NTM: variants seen among roughly 807,000 people sequenced by gnomAD.
The protein encoded by NTM is IgLON family member 2.
NTM carries 13 observed loss-of-function variants against 42.1 expected under a neutral mutation model. The ratio of observed to expected loss-of-function variants is 0.31; its 90% CI spans 0.20 to 0.49. The LOEUF is 0.49. NTM is among the 20% of genes least tolerant of loss of function. The pLI is 0.99. For synonymous variants in NTM, 187 were observed against 179.2 expected (o/e 1.04, Z -0.35); for missense variants, 373 against 452.8 (o/e 0.82, Z 1.60).
At position 131,927,004 on chromosome 11, in the gene NTM, ATGTG is replaced by A. The variant is rs1410157135; in HGVS notation, c.167+15362_167+15365del. The stretch of plus-strand genomic sequence containing the variant: ...GCTGGCATTTTACGATCATGTATGG[ATGTG>A]TGTGTAAGTATAAGTAGGCACGTAT... On this transcript the variant is annotated intron_variant, in intron 2 of 8. Coordinates refer to ENST00000683400, the MANE Select transcript of NTM (RefSeq NM_001352005.2). Among the ~76,000 whole-genome samples the A allele has an allele frequency of 2.6e-5, 4 of 152,144 alleles. No homozygotes were observed. The East Asian group carries it at 7.7e-4, about 29-fold the overall frequency.
chr11:132,103,305 A>G (rs1041730242), intron 2 of NTM, among the ~76,000 whole-genome samples: 2 of 152,184 alleles, frequency 1.3e-5, no homozygotes, highest in African/African-American at 4.8e-5. Flanking sequence ...AATAAAATGT[A>G]CAGAAGGAAT....
intron 1 of NTM, chr11:131,537,975 A>G (rs1443560741): frequency 9.2e-5 from 14 of 152,316 alleles, no homozygotes; most frequent in Non-Finnish European, 1.9e-4. Context: ...GCCGGGAGGA[A>G]TTCATGCAGC....
chr11:131,460,111 C>T (rs1951241800), intron 1 of NTM, among the ~76,000 whole-genome samples: 2 of 152,096 alleles, frequency 1.3e-5, no homozygotes, highest in South Asian at 4.2e-4. Flanking sequence ...CCAACAGTGT[C>T]CAGAACAAAC....
chr11:131,815,512 C>G lies in NTM; in HGVS notation c.83-96052C>G, dbSNP rs552970603. 2.0e-5 allele frequency among the ~76,000 whole-genome samples: 3 copies of G among 152,278 alleles called. No homozygotes were observed. The South Asian group carries it at 6.2e-4, about 32-fold the overall frequency. On this transcript the variant is annotated intron_variant, in intron 1 of 8. Transcript: ENST00000683400. ...ACACTCAGTATGGACTGGTAGAGCT[C>G]TTAAAGAATTTTCTTGAAGAATCCT...
At chr11:132,324,626 C>A (rs1436916361) in intron 7 of NTM, among the ~76,000 whole-genome samples, 1 of 138,824 alleles carries the variant, frequency 7.2e-6, no homozygotes, top group Non-Finnish European at 1.6e-5. Context: ...CAATGCCATC[C>A]CCATCAAGCT....
chr11:132,023,808 GTTTTGT>G (rs2074759150), intron 2 of NTM, among the ~76,000 whole-genome samples: 1 of 121,296 alleles, frequency 8.2e-6, no homozygotes, highest in Non-Finnish European at 1.7e-5. Context: ...GGTGGTGGTG[GTTTTGT>G]TGTTGTTGTT....
At chr11:131,532,989 C>T (rs928766204) in intron 1 of NTM, among the ~76,000 whole-genome samples, 1 of 152,088 alleles carries the variant, frequency 6.6e-6, no homozygotes, top group African/African-American at 2.4e-5. Flanking sequence ...AACAAAATGT[C>T]ACCACTAAAG....
intron 2 of NTM, among the ~76,000 whole-genome samples, chr11:131,933,056 G>A (rs1234697542): frequency 6.6e-6 from 1 of 152,198 alleles, no homozygotes; most frequent in Non-Finnish European, 1.5e-5. Context: ...TTCCTCCACA[G>A]CGCCAACTGT....
chr11:131,692,084 C>CG (rs1178730978), intron 1 of NTM, among the ~76,000 whole-genome samples: 1 of 152,134 alleles, frequency 6.6e-6, no homozygotes, highest in Admixed American at 6.6e-5. Flanking sequence ...AGGAAACGGG[C>CG]AGGGAGTCAC....
chr11:132,145,561 T>G (rs1486678981), intron 2 of NTM, among the ~76,000 whole-genome samples: 1 of 152,210 alleles, frequency 6.6e-6, no homozygotes, highest in Non-Finnish European at 1.5e-5. Context: ...GGACTCCAGA[T>G]GCAAAAATAA....
At chr11:131,856,930 A>G (rs546811226) in intron 1 of NTM, among the ~76,000 whole-genome samples, 1 of 152,340 alleles carries the variant, frequency 6.6e-6, no homozygotes, top group East Asian at 1.9e-4. Context: ...GCTGGCAGCC[A>G]GGTATACATT....
At chr11:131,893,915 C>A (rs886107057) in intron 1 of NTM, among the ~76,000 whole-genome samples, 6 of 152,110 alleles carry the variant, frequency 3.9e-5, no homozygotes, top group African/African-American at 1.4e-4. Context: ...TGGAAGAGGG[C>A]GCATGTTTCT....
intron 1 of NTM, among the ~76,000 whole-genome samples, chr11:131,708,710 T>C (rs562560350): frequency 3.9e-5 from 6 of 152,286 alleles, no homozygotes; most frequent in African/African-American, 1.2e-4. Flanking sequence ...ATGAAAAATA[T>C]ATTGAGGGCC....
chr11:132,140,961 A>C (rs2068983347), intron 2 of NTM: 1 of 152,228 alleles, frequency 6.6e-6, no homozygotes. Flanking sequence ...GGCTTCAAGC[A>C]TTGCTTGAGA....
chr11:132,235,337 G>GGTGTGT (rs778949252), intron 4 of NTM, among the ~76,000 whole-genome samples: 342 of 152,064 alleles, frequency 2.2e-3, no homozygotes, highest in Middle Eastern at 0.014. Context: ...TGTGGGTGTG[G>GGTGTGT]GTGTGTGTGC....
At chr11:131,533,522 C>T (rs547264699) in intron 1 of NTM, among the ~76,000 whole-genome samples, 1 of 152,296 alleles carries the variant, frequency 6.6e-6, no homozygotes, top group South Asian at 2.1e-4. Context: ...TCAGGAAAAG[C>T]AAAGTAGCTG....
intron 2 of NTM, among the ~76,000 whole-genome samples, chr11:131,989,146 G>A (rs1255149309): frequency 2.0e-5 from 3 of 152,190 alleles, no homozygotes; most frequent in South Asian, 2.1e-4. Flanking sequence ...AAAATACACT[G>A]GACTGAAAGT....
intron 4 of NTM, among the ~76,000 whole-genome samples, chr11:132,231,743 T>G (rs1468004241): frequency 1.3e-5 from 2 of 152,202 alleles, no homozygotes; most frequent in Admixed American, 1.3e-4. Flanking sequence ...ATGAGCTGGA[T>G]ACCAGTCTGC....
At chr11:132,128,000 G>C (rs567234346) in intron 2 of NTM, among the ~76,000 whole-genome samples, 2 of 152,164 alleles carry the variant, frequency 1.3e-5, no homozygotes, top group Non-Finnish European at 2.9e-5. Flanking sequence ...GGCTTTTGTC[G>C]ACAAAGGATA....
Sources: gnomAD v4.1 joint callset for allele counts (sites outside exome capture counted in the v4.1 genomes callset) on GRCh38, gnomAD v4.1.1 for gene constraint, MANE v1.5 for transcripts, NCBI Gene and HGNC (gene_info 2026-07-23, HGNC 2026-07-21) for gene names.